The following CYFIP2 variants were observed in gnomAD, a reference collection of about 807,000 sequenced individuals.
CYFIP2 encodes the protein cytoplasmic FMR1-interacting protein 2.
In CYFIP2, 29 loss-of-function variants were observed where a neutral mutation model predicts 158.7. The observed-to-expected ratio is 0.18, with a 90% CI of 0.14 to 0.25. CYFIP2 has a LOEUF of 0.25. CYFIP2 is among the 10% of genes least tolerant of loss of function. CYFIP2 has a pLI of 1.00. For missense variants in CYFIP2, 852 were observed against 1,639.5 expected (o/e 0.52, Z 8.29); for synonymous variants, 585 against 617.6 (o/e 0.95, Z 0.78).
chr5:157,304,410 C>G, intron 8 of CYFIP2, 44 bp downstream of exon 8: 2 of 1,558,200 alleles, frequency 1.3e-6, no homozygotes, highest in Non-Finnish European at 1.7e-6. Flanking sequence ...TGGGCTTACC[C>G]TCTCACCTTC....
At chr5:157,309,866 C>G in intron 10 of CYFIP2, 32 bp downstream of exon 10, 1 of 1,555,890 alleles carries the variant, frequency 6.4e-7, no homozygotes, top group South Asian at 1.2e-5. Context: ...TCTCGGCTCC[C>G]GCAAGGATGC....
chr5:157,308,321 A>G (rs985026991), intron 9 of CYFIP2, among the ~76,000 whole-genome samples: 1 of 152,146 alleles, frequency 6.6e-6, no homozygotes, highest in Non-Finnish European at 1.5e-5. Context: ...ACAGCCTCTC[A>G]CCTGGTACAC....
intron 26 of CYFIP2, among the ~76,000 whole-genome samples, chr5:157,372,882 A>G (rs750145081): frequency 2.6e-5 from 4 of 152,042 alleles, no homozygotes; most frequent in Non-Finnish European, 5.9e-5. Context: ...CTGCTTCAGG[A>G]ATACTAACAG....
chr5:157,373,199 T>C (rs1765153733), intron 26 of CYFIP2, among the ~76,000 whole-genome samples: 1 of 152,214 alleles, frequency 6.6e-6, no homozygotes, highest in Non-Finnish European at 1.5e-5. Flanking sequence ...TACCACTCTC[T>C]GCCTGGCTGC....
chr5:157,355,086 A>T (rs539862383), intron 23 of CYFIP2, among the ~76,000 whole-genome samples: 2 of 152,224 alleles, frequency 1.3e-5, no homozygotes, highest in East Asian at 3.9e-4. Flanking sequence ...TGCAGTGAGG[A>T]GGAACTCCAC....
chr5:157,307,701 T>C lies in CYFIP2; in HGVS notation c.796-60T>C, dbSNP rs1759364791. The stretch of plus-strand genomic sequence containing the variant: ...ACACATATACAGACCTACCTTTTTG[T>C]TTTTAAACTTTTCCAGCAGATGTGA... On this transcript the variant is annotated intron_variant, in intron 8 of 30. Transcript: ENST00000620254. The C allele has an allele frequency of 3.9e-6, 4 of 1,031,994 alleles. No homozygotes were observed. The South Asian group carries it at 5.5e-5, about 14-fold the overall frequency. The allele number at this position is 1,031,994 out of a possible 1,614,324, so 63.9% of individuals were successfully genotyped here.
intron 1 of CYFIP2, among the ~76,000 whole-genome samples, chr5:157,274,398 G>C (rs1756376855): frequency 6.6e-6 from 1 of 152,138 alleles, no homozygotes; most frequent in Non-Finnish European, 1.5e-5. Flanking sequence ...GTTTATTCAT[G>C]TTGTATCAAT....
chr5:157,278,572 AAC>A (rs1236731358), intron 1 of CYFIP2, among the ~76,000 whole-genome samples: 1 of 152,232 alleles, frequency 6.6e-6, no homozygotes, highest in Non-Finnish European at 1.5e-5. Flanking sequence ...TGTCCTCAGA[AAC>A]ACAGCAAAAA....
chr5:157,354,581 G>A (rs891146818), intron 23 of CYFIP2, among the ~76,000 whole-genome samples: 2 of 150,788 alleles, frequency 1.3e-5, no homozygotes, highest in Admixed American at 6.6e-5. Context: ...ATGAGGGGTC[G>A]GGGGGGATTT....
intron 3 of CYFIP2, among the ~76,000 whole-genome samples, chr5:157,294,223 A>G (rs138894524): frequency 2.3e-4 from 35 of 152,284 alleles, no homozygotes; most frequent in Admixed American, 5.9e-4. Flanking sequence ...GGAAAGGGCT[A>G]TTATCATCCT....
chr5:157,344,377 CG>C (rs1393110546), intron 23 of CYFIP2, among the ~76,000 whole-genome samples: 1 of 152,160 alleles, frequency 6.6e-6, no homozygotes, highest in African/African-American at 2.4e-5. Flanking sequence ...TCCCATTTTA[CG>C]GATGAGCAAC....
intron 28 of CYFIP2, chr5:157,384,086 G>A (rs1766398200): frequency 2.9e-6 from 1 of 347,558 alleles, no homozygotes; most frequent in African/African-American, 2.1e-5. Context: ...GAGTGGGAGA[G>A]AAAGAAGACT....
At chr5:157,326,136 T>C in intron 17 of CYFIP2, 35 bp from the exon 18 acceptor site, 2 of 1,505,046 alleles carry the variant, frequency 1.3e-6, no homozygotes, top group Non-Finnish European at 1.8e-6. Context: ...AGGGGGGTTA[T>C]TAGCAAGCGG....
At chr5:157,374,791 C>T (rs371357541) in intron 26 of CYFIP2, among the ~76,000 whole-genome samples, 2 of 152,168 alleles carry the variant, frequency 1.3e-5, no homozygotes, top group Non-Finnish European at 2.9e-5. Context: ...AATTAAATTG[C>T]GAACTTAATT....
chr5:157,269,411 G>T (rs1313791977), intron 1 of CYFIP2: 1 of 152,282 alleles, frequency 6.6e-6, no homozygotes, highest in Middle Eastern at 3.4e-3. Flanking sequence ...AATGTTGAGG[G>T]CATGCTTTGC....
intron 23 of CYFIP2, among the ~76,000 whole-genome samples, chr5:157,351,013 C>T (rs967822376): frequency 6.6e-6 from 1 of 152,134 alleles, no homozygotes; most frequent in Non-Finnish European, 1.5e-5. Flanking sequence ...AGTTTGATTT[C>T]CACTTTACTC....
chr5:157,386,138 T>C (rs1766661347), intron 28 of CYFIP2, among the ~76,000 whole-genome samples: 1 of 152,196 alleles, frequency 6.6e-6, no homozygotes, highest in African/African-American at 2.4e-5. Context: ...CAGTAATCAG[T>C]GAAATGCACA....
chr5:157,345,988 C>G (rs1017977613), intron 23 of CYFIP2, among the ~76,000 whole-genome samples: 1 of 152,218 alleles, frequency 6.6e-6, no homozygotes, highest in Non-Finnish European at 1.5e-5. Context: ...ATTCCACAAC[C>G]AAAGCAGTAA....
intron 3 of CYFIP2, among the ~76,000 whole-genome samples, chr5:157,293,318 A>C (rs1757985718): frequency 6.6e-6 from 1 of 152,156 alleles, no homozygotes; most frequent in Non-Finnish European, 1.5e-5. Flanking sequence ...AGCCTTTCAA[A>C]GTGCTAGGAT....
Sources: allele counts gnomAD v4.1 joint callset (sites outside exome capture counted in the v4.1 genomes callset), GRCh38; gene constraint gnomAD v4.1.1; transcripts MANE v1.5; gene names NCBI Gene and HGNC (gene_info 2026-07-23, HGNC 2026-07-21).